The following DGKB variants were observed in gnomAD, a reference collection of about 807,000 sequenced individuals.
The protein encoded by DGKB is 90 kDa diacylglycerol kinase.
Under a neutral mutation model 114.3 loss-of-function variants are expected in DGKB, and 67 were observed. That is an observed-to-expected ratio of 0.59 (90% confidence interval 0.48 to 0.72). DGKB has a LOEUF of 0.72. Among genes scored for constraint, DGKB ranks in the 30% least tolerant of loss-of-function variants. DGKB has a pLI of 0.00. For synonymous variants in DGKB, 398 were observed against 323.1 expected, an observed-to-expected ratio of 1.23 and a Z score of -2.49; for missense variants, 907 against 975.2, an observed-to-expected ratio of 0.93 and a Z score of 0.93.
intron 2 of DGKB, among the ~76,000 whole-genome samples, chr7:14,766,202 T>C (rs769583446): frequency 2.0e-5 from 3 of 152,000 alleles, no homozygotes; most frequent in Non-Finnish European, 4.4e-5. Flanking sequence ...ACTATTGGAA[T>C]ATATCATTGA....
At chr7:14,712,567 A>T (rs982012729) in intron 6 of DGKB, among the ~76,000 whole-genome samples, 1 of 152,158 alleles carries the variant, frequency 6.6e-6, no homozygotes, top group Non-Finnish European at 1.5e-5. Context: ...GCTACTAGGG[A>T]GGCTGAGGCA....
At chr7:14,959,496 A>T (rs1786718089) in intron 1 of DGKB, among the ~76,000 whole-genome samples, 1 of 151,900 alleles carries the variant, frequency 6.6e-6, no homozygotes, top group Admixed American at 6.6e-5. Flanking sequence ...AATATTTTTA[A>T]ATTTGGGTAT....
At chr7:14,228,297 G>A (rs1038143692) in intron 23 of DGKB, among the ~76,000 whole-genome samples, 2 of 152,004 alleles carry the variant, frequency 1.3e-5, no homozygotes, top group African/African-American at 4.8e-5. Context: ...GAAGGACAAA[G>A]ACAAAGTTGT....
At chr7:14,436,243 T>G (rs2128801946) in intron 21 of DGKB, among the ~76,000 whole-genome samples, 1 of 152,190 alleles carries the variant, frequency 6.6e-6, no homozygotes, top group Non-Finnish European at 1.5e-5. Context: ...TAAAAGAAAA[T>G]AAATCAGAGA....
At chr7:14,366,009 T>A (rs925964385) in intron 21 of DGKB, among the ~76,000 whole-genome samples, 1 of 152,074 alleles carries the variant, frequency 6.6e-6, no homozygotes, top group South Asian at 2.1e-4. Flanking sequence ...AGTTTTACAG[T>A]CTTGAAATCC....
At chr7:14,871,540 C>T (rs1249123406) in intron 1 of DGKB, among the ~76,000 whole-genome samples, 1 of 152,140 alleles carries the variant, frequency 6.6e-6, no homozygotes. Flanking sequence ...GAAGCTGTTG[C>T]TGTTCTCTGG....
At chr7:14,913,569 C>A (rs769865058) in intron 1 of DGKB, among the ~76,000 whole-genome samples, 1 of 150,778 alleles carries the variant, frequency 6.6e-6, no homozygotes, top group Non-Finnish European at 1.5e-5. Context: ...ACCCAAGAAA[C>A]AATTCTAATA....
chr7:14,618,131 C>T (rs1358100465), intron 15 of DGKB, among the ~76,000 whole-genome samples: 2 of 151,422 alleles, frequency 1.3e-5, no homozygotes, highest in Non-Finnish European at 3.0e-5. Flanking sequence ...CACACACACA[C>T]ACACACACGT....
chr7:14,689,274 C>T (rs2128985442), intron 9 of DGKB, among the ~76,000 whole-genome samples: 1 of 134,390 alleles, frequency 7.4e-6, no homozygotes, highest in East Asian at 2.6e-4. Flanking sequence ...GGCGCGATCT[C>T]GGCTCACTGC....
intron 23 of DGKB, among the ~76,000 whole-genome samples, chr7:14,219,211 A>T (rs1301704124): frequency 6.6e-6 from 1 of 151,872 alleles, no homozygotes; most frequent in African/African-American, 2.4e-5. Context: ...GGCTATTATG[A>T]ATAATGTTGC....
At chr7:14,974,590 C>T (rs1209005462) in intron 1 of DGKB, 1 of 152,022 alleles carries the variant, frequency 6.6e-6, no homozygotes. Flanking sequence ...AAGAGAAGGG[C>T]ATTTATTCCA....
At chr7:14,561,360 G>A (rs1796633345) in intron 20 of DGKB, among the ~76,000 whole-genome samples, 1 of 152,044 alleles carries the variant, frequency 6.6e-6, no homozygotes, top group Non-Finnish European at 1.5e-5. Context: ...CACAGTCTCA[G>A]GTATGTCTTT....
At chr7:14,729,192 G>A (rs1200405821) in intron 5 of DGKB, among the ~76,000 whole-genome samples, 2 of 139,430 alleles carry the variant, frequency 1.4e-5, no homozygotes, top group Admixed American at 7.6e-5. Flanking sequence ...GCGCCATCTC[G>A]GCTCACTGCA....
chr7:14,608,866 G>C lies in DGKB; in HGVS notation c.1359-1358C>G, dbSNP rs946126796. 1.3e-4 allele frequency among the ~76,000 whole-genome samples: 19 copies of C among 151,944 alleles called. No homozygotes were observed. The East Asian group carries it at 1.7e-3, about 14-fold the overall frequency. On this transcript the variant is annotated intron_variant, in intron 16 of 25. Coordinates refer to ENST00000402815, the MANE Select transcript of DGKB (RefSeq NM_001350709.2). ...ACCTCGGAATACAACTAAGGAAGGA[G>C]GTGAAAGTGCTCTACAAGGAGAACC...
intron 23 of DGKB, among the ~76,000 whole-genome samples, chr7:14,203,069 A>T (rs1383486561): frequency 2.0e-5 from 3 of 150,838 alleles, no homozygotes; most frequent in South Asian, 2.1e-4. Context: ...TCAACATTTT[A>T]AAAAAAGGTG....
intron 4 of DGKB, among the ~76,000 whole-genome samples, chr7:14,739,266 G>A (rs959749500): frequency 6.6e-6 from 1 of 152,274 alleles, no homozygotes; most frequent in East Asian, 1.9e-4. Flanking sequence ...GTCTAAACAC[G>A]CCCATGGTGA....
intron 13 of DGKB, among the ~76,000 whole-genome samples, chr7:14,655,740 T>G (rs1407959066): frequency 1.3e-5 from 2 of 151,580 alleles, no homozygotes; most frequent in African/African-American, 4.8e-5. Context: ...TTTTGCAACA[T>G]GGATGAACCT....
intron 1 of DGKB, among the ~76,000 whole-genome samples, chr7:14,964,465 A>C (rs1787037255): frequency 6.6e-6 from 1 of 152,186 alleles, no homozygotes; most frequent in South Asian, 2.1e-4. Context: ...GCACCATTGC[A>C]CTCCAGCCTA....
intron 1 of DGKB, among the ~76,000 whole-genome samples, chr7:14,880,947 A>G (rs1227843178): frequency 6.6e-6 from 1 of 152,152 alleles, no homozygotes; most frequent in Non-Finnish European, 1.5e-5. Flanking sequence ...ATTCCTTGTC[A>G]TATGTCTTTC....
Sources: allele counts gnomAD v4.1 joint callset (sites outside exome capture counted in the v4.1 genomes callset), GRCh38; gene constraint gnomAD v4.1.1; transcripts MANE v1.5; gene names NCBI Gene and HGNC (gene_info 2026-07-23, HGNC 2026-07-21).